The following EVC variants were observed in gnomAD, a reference collection of about 807,000 sequenced individuals.
The protein encoded by EVC is evC complex member EVC.
EVC carries 116 observed loss-of-function variants against 118.9 expected under a neutral mutation model. The observed-to-expected ratio is 0.98, with a 90% CI of 0.84 to 1.14. The LOEUF (loss-of-function observed/expected upper bound fraction) is 1.14, where lower values mean the gene tolerates loss of function less well. Among genes scored for constraint, EVC ranks in the 50% most tolerant of loss-of-function variants. The probability of loss-of-function intolerance (pLI) is 0.00; values close to 1 mark genes in which losing one functional copy is unlikely to be tolerated. For missense variants in EVC, 1,401 were observed against 1,246.4 expected, an observed-to-expected ratio of 1.12 and a Z score of -1.87; for synonymous variants, 619 against 534.7, an observed-to-expected ratio of 1.16 and a Z score of -2.18.
chr4:5,821,715 A>G, the EVC span: 6 of 1,531,244 alleles, frequency 3.9e-6, no homozygotes, highest in East Asian at 2.3e-5. This position sits in a 1 kb window ranked among gnomAD's most constrained non-coding sequence, Gnocchi z 4.4. Context: ...AGGGATGGAC[A>G]TGATTCCCAG....
chr4:5,771,531 T>A (rs542558734), intron 11 of EVC, among the ~76,000 whole-genome samples: 1 of 152,268 alleles, frequency 6.6e-6, no homozygotes, highest in African/African-American at 2.4e-5. Context: ...GTTCCAGGGA[T>A]TGGGACGTGG....
chr4:5,775,585 A>G (rs1734603466), intron 11 of EVC, among the ~76,000 whole-genome samples: 1 of 152,170 alleles, frequency 6.6e-6, no homozygotes, highest in Non-Finnish European at 1.5e-5. Context: ...GATATTTGAG[A>G]GATCCATCCG....
At position 5,723,338 on chromosome 4, in the gene EVC, C is replaced by A. The variant is rs573398823; in HGVS notation, c.300+3965C>A. Among the ~76,000 whole-genome samples the A allele has an allele frequency of 6.2e-4, 94 of 152,094 alleles. 1 individual carries two copies. In the South Asian group the frequency reaches 0.019, roughly 31 times the overall value. ...CTGAGTAGCTGGGATTACAGGCATG[C>A]GCCACCACACCCAGCTAATTTGTGT... On this transcript the variant is annotated intron_variant, in intron 2 of 20. Transcript: ENST00000264956.
chr4:5,759,193 C>T (rs1049095909), intron 11 of EVC, among the ~76,000 whole-genome samples: 16 of 152,096 alleles, frequency 1.1e-4, no homozygotes, highest in African/African-American at 3.4e-4. Flanking sequence ...ATTATAATGG[C>T]GCAGAGGGTC....
At chr4:5,714,721 G>T (rs773624641) in intron 1 of EVC, among the ~76,000 whole-genome samples, 11 of 152,160 alleles carry the variant, frequency 7.2e-5, no homozygotes, top group Non-Finnish European at 4.4e-5. Flanking sequence ...TTAAGGATCA[G>T]TTGTGGTCAT....
intron 11 of EVC, among the ~76,000 whole-genome samples, chr4:5,781,762 T>C (rs999418951): frequency 6.6e-6 from 1 of 152,006 alleles, no homozygotes; most frequent in African/African-American, 2.4e-5. Context: ...GTCACCTGAG[T>C]CCAGGAAGTC....
chr4:5,801,191 C>G (rs905635094), intron 15 of EVC, among the ~76,000 whole-genome samples: 35 of 152,210 alleles, frequency 2.3e-4, no homozygotes, highest in African/African-American at 8.2e-4. Flanking sequence ...GGTGCGTGAC[C>G]CAGGCTGCCA....
chr4:5,712,805 G>A (rs137986970), intron 1 of EVC, among the ~76,000 whole-genome samples: 11 of 152,308 alleles, frequency 7.2e-5, no homozygotes, highest in Admixed American at 6.5e-4. Flanking sequence ...AAGAGATGCT[G>A]GCTTGTTGCA....
intron 1 of EVC, among the ~76,000 whole-genome samples, chr4:5,714,216 G>C (rs6825062): frequency 0.83 from 125,823 of 151,848 alleles, 52,425 homozygotes; most frequent in African/African-American, 0.91. Context: ...TGTAGGCACT[G>C]TTTGTTCTCC....
At chr4:5,736,196 A>AG (rs1727646671) in intron 5 of EVC, among the ~76,000 whole-genome samples, 2 of 152,140 alleles carry the variant, frequency 1.3e-5, no homozygotes, top group South Asian at 4.1e-4. Flanking sequence ...CACCAGCACT[A>AG]GGGGGTTCTC....
the EVC span, chr4:5,825,868 CACATCTACATACCCACATGCATACACAT>C: frequency 4.5e-3 from 2,551 of 561,906 alleles, 14 homozygotes; most frequent in Non-Finnish European, 6.1e-3. The surrounding 1 kb of genome is among the most constrained non-coding windows in gnomAD (Gnocchi z 4.4). Context: ...TGCATACACA[CACATCTACATACCCACATGCATACACAT>C]ACAGACGCAC....
At position 5,719,627 on chromosome 4, in the gene EVC, GC is replaced by G. The variant is rs201024457; in HGVS notation, c.300+258del. On this transcript the variant is annotated intron_variant, in intron 2 of 20. Coordinates refer to ENST00000264956, the MANE Select transcript of EVC (RefSeq NM_153717.3). The surrounding 1 kb of genome is among the most constrained non-coding windows in gnomAD (Gnocchi z 4.7). The stretch of plus-strand genomic sequence containing the variant: ...TTCATCACCCAGCAAGTCCTCTAGT[GC>G]CCCTTTCTGGTCACTTCCCGCCCCC... Among the ~76,000 whole-genome samples the G allele has an allele frequency of 6.5e-3, 990 of 152,238 alleles. 10 individuals carry two copies. The highest frequency in any genetic ancestry group is 0.023 in the African/African-American group (943 of 41,534).
In EVC at chr4:5,812,294, G is replaced by A. The variant is rs1013315409; in HGVS notation, c.*1257G>A. 2.9e-5 allele frequency: 3 copies of A among 102,514 alleles called. No homozygotes were observed. The highest frequency in any genetic ancestry group is 2.7e-4 in the South Asian group (1 of 3,718). 6.4% of individuals were successfully genotyped at this position (102,514 alleles called of 1,614,324 possible). ...ACAGCCAGGAGAGGCCTTTCCCACC[G>A]GGAGAGAAACTTCCAGACCAGCCCT... On this transcript the variant is annotated 3_prime_UTR_variant, in exon 21 of 21. Transcript: ENST00000264956.
chr4:5,748,649 TATCC>T (rs201828367), intron 8 of EVC, among the ~76,000 whole-genome samples: 17,024 of 72,740 alleles, frequency 0.23, 3,994 homozygotes, highest in East Asian at 0.51. Context: ...CCCACCCATT[TATCC>T]ATCCATCCAT....
downstream of EVC, among the ~76,000 whole-genome samples, chr4:5,816,040 C>G (rs1717623101): frequency 6.6e-6 from 1 of 152,148 alleles, no homozygotes; most frequent in Non-Finnish European, 1.5e-5. Flanking sequence ...ATAGATTTGG[C>G]TGTGTGTCAG....
chr4:5,728,077 A>G (rs898123454), intron 2 of EVC, among the ~76,000 whole-genome samples: 22 of 152,022 alleles, frequency 1.4e-4, no homozygotes, highest in Admixed American at 5.2e-4. Context: ...GTTCCATATG[A>G]ACTTTAAAGT....
chr4:5,780,198 A>C (rs978708750), intron 11 of EVC, among the ~76,000 whole-genome samples: 4 of 152,370 alleles, frequency 2.6e-5, no homozygotes, highest in African/African-American at 7.2e-5. Context: ...AAGCAAACCG[A>C]ATCCAGCAGC....
In EVC at chr4:5,731,034, C is replaced by T. The variant is rs373507731; in HGVS notation, c.385-391C>T. ...CGAAGGACAGGTGGTTGGCAGGATT[C>T]GTGGAGGGAGCAGGCCAGGGGGTCA... On this transcript the variant is annotated intron_variant, in intron 3 of 20. Coordinates refer to ENST00000264956, the MANE Select transcript of EVC (RefSeq NM_153717.3). This position sits in a 1 kb window ranked among gnomAD's most constrained non-coding sequence, Gnocchi z 5.6. 5.9e-5 allele frequency among the ~76,000 whole-genome samples: 9 copies of T among 151,894 alleles called. No homozygotes were observed. The highest frequency in any genetic ancestry group is 1.7e-4 in the African/African-American group (7 of 41,346).
the EVC span, chr4:5,825,448 T>C: frequency 6.6e-7 from 1 of 1,525,322 alleles, no homozygotes; most frequent in Non-Finnish European, 8.7e-7. The surrounding 1 kb of genome is among the most constrained non-coding windows in gnomAD (Gnocchi z 4.4). Context: ...GGACTCGGCC[T>C]GAACTGCTGC....
Sources: allele counts gnomAD v4.1 joint callset (sites outside exome capture counted in the v4.1 genomes callset), GRCh38; gene constraint gnomAD v4.1.1; non-coding constraint Gnocchi (gnomAD v3.1); transcripts MANE v1.5; gene names NCBI Gene and HGNC (gene_info 2026-07-23, HGNC 2026-07-21).